The following GLDC variants were observed in gnomAD, a reference collection of about 807,000 sequenced individuals.
GLDC encodes glycine decarboxylase, also known as glycine dehydrogenase (decarboxylating), mitochondrial.
Under a neutral mutation model 121.3 loss-of-function variants are expected in GLDC, and 104 were observed. That is an observed-to-expected ratio of 0.86 (90% confidence interval 0.73 to 1.01). The LOEUF is 1.01. Ranked by LOEUF, GLDC falls within the 50% of genes least tolerant of loss-of-function variation. GLDC has a pLI of 0.00. For synonymous variants in GLDC, 546 were observed against 480.6 expected (o/e 1.14, Z -1.78); for missense variants, 1,429 against 1,306.6 (o/e 1.09, Z -1.44).
intron 16 of GLDC, among the ~76,000 whole-genome samples, chr9:6,563,003 C>G (rs1817788447): frequency 1.3e-5 from 2 of 152,222 alleles, no homozygotes; most frequent in African/African-American, 4.8e-5. Flanking sequence ...CCTCTCCCTC[C>G]TGCAGAGTGA....
intron 2 of GLDC, chr9:6,622,663 C>A (rs570264463): frequency 1.0e-4 from 22 of 209,804 alleles, no homozygotes; most frequent in Non-Finnish European, 1.5e-4. Flanking sequence ...CCGGCCGCCA[C>A]CCCGTCTGGG....
chr9:6,536,092 C>T lies in GLDC; in HGVS notation c.2810G>A (p.Arg937His), dbSNP rs151100082. The change falls in exon 23 of 25, where the codon CGC (arginine) becomes CAC (histidine). Residue 937 changes from arginine to histidine, a missense_variant. Coordinates refer to ENST00000321612, the MANE Select transcript of GLDC (RefSeq NM_000170.3). ...CAGCGGATTGACCCTGGGGTCGATG[C>T]GGCCCTCCTCAATGTCAGCAATTTC... ...RQEIADIEEG[R>H]IDPRVNPLKM... 2.7e-5 allele frequency: 44 copies of T among 1,613,614 alleles called. No homozygotes were observed. Among genetic ancestry groups the T allele is most frequent in the African/African-American group, 9.3e-5 (7 of 74,932 alleles).
chr9:6,606,744 C>T (rs1363325731), intron 4 of GLDC, 75 bp from the exon 5 acceptor site: 7 of 903,684 alleles, frequency 7.7e-6, no homozygotes, highest in Non-Finnish European at 1.3e-5. Flanking sequence ...GCAAAGCAAA[C>T]ATAGTACCGA....
At chr9:6,622,698 C>T (rs879833375) in intron 2 of GLDC, 11 of 198,488 alleles carry the variant, frequency 5.5e-5, no homozygotes, top group Non-Finnish European at 1.0e-4. Context: ...TCTGCCTGGC[C>T]GCCCATGGTC....
chr9:6,539,817 C>G (rs918819070), intron 22 of GLDC, among the ~76,000 whole-genome samples: 1 of 152,166 alleles, frequency 6.6e-6, no homozygotes, highest in Non-Finnish European at 1.5e-5. Flanking sequence ...ATCTTAAACA[C>G]TTTTCTTGGC....
intron 2 of GLDC, among the ~76,000 whole-genome samples, chr9:6,634,022 G>A (rs1819447082): frequency 6.6e-6 from 1 of 151,494 alleles, no homozygotes; most frequent in Admixed American, 6.6e-5. Flanking sequence ...AGTAGAGACG[G>A]GGTTTCACCG....
rs1172793615 is a variant in GLDC, at chr9:6,645,263, C to T, written c.237G>A (p.Leu79=). The T allele has an allele frequency of 1.9e-6, 3 of 1,600,418 alleles. No homozygotes were observed. The highest frequency in any genetic ancestry group is 1.1e-5 in the South Asian group (1 of 89,588). Residue 79 remains leucine, a synonymous_variant, in exon 1 of 25, where the codon CTG becomes CTA. Coordinates refer to ENST00000321612, the MANE Select transcript of GLDC (RefSeq NM_000170.3). ...GPGDKDQREM[L]QTLGLASIDE... ...TCCTTACCGCCAGCCCCAAGGTCTG[C>T]AGCATCTCTCTCTGGTCTTTGTCCC...
intron 15 of GLDC, among the ~76,000 whole-genome samples, chr9:6,584,131 C>T (rs1399155594): frequency 6.6e-6 from 1 of 152,130 alleles, no homozygotes; most frequent in Admixed American, 6.5e-5. Flanking sequence ...AAATATCATA[C>T]AATAATGAAA....
chr9:6,540,583 C>T lies in GLDC; in HGVS notation c.2570-437G>A, dbSNP rs1047602968. On this transcript the variant is annotated intron_variant, in intron 21 of 24. Coordinates refer to ENST00000321612, the MANE Select transcript of GLDC (RefSeq NM_000170.3). ...TTTTCAGCAACTTTACCCTCAACAT[C>T]AAATAATTACTTTTGCGTATATATA... is the stretch of plus-strand genomic sequence containing the variant. The T allele has an allele frequency of 6.1e-5, 12 of 196,380 alleles. No individual in the cohort carries two copies. The South Asian group carries it at 9.9e-4, about 16-fold the overall frequency. The allele number at this position is 196,380 out of a possible 1,614,324, so 12.2% of individuals were successfully genotyped here. A position where few individuals can be genotyped will look rare whatever the true frequency, so the allele number is the denominator to read the frequency against.
chr9:6,605,293 A>G lies in GLDC; in HGVS notation c.714-15T>C. 1 of 1,612,926 alleles carries G rather than the reference A, an allele frequency of 6.2e-7. No individual in the cohort carries two copies. Among genetic ancestry groups the G allele is most frequent in the South Asian group, 1.1e-5 (1 of 91,044 alleles). Reference sequence around the variant, plus strand: ...CTCCAGTATATCTGGAAAGACAGACAACAAAGAACAATCGTGCTTTCGGTT... The same window carrying G: ...CTCCAGTATATCTGGAAAGACAGACGACAAAGAACAATCGTGCTTTCGGTT... On this transcript the variant is annotated splice_polypyrimidine_tract_variant and intron_variant, in intron 5 of 24. Transcript: ENST00000321612.
chr9:6,556,793 C>A (rs367652606), intron 17 of GLDC, among the ~76,000 whole-genome samples: 31 of 138,490 alleles, frequency 2.2e-4, no homozygotes, highest in Admixed American at 4.4e-4. Flanking sequence ...GACTCCACGT[C>A]AAAAAAAAAA....
At chr9:6,555,494 C>T (rs933271473) in intron 18 of GLDC, among the ~76,000 whole-genome samples, 3 of 151,858 alleles carry the variant, frequency 2.0e-5, no homozygotes, top group East Asian at 1.9e-4. Context: ...AGAGGTCGGG[C>T]GTGGTGGATC....
intron 15 of GLDC, among the ~76,000 whole-genome samples, chr9:6,571,432 G>A (rs959499378): frequency 2.6e-5 from 4 of 152,168 alleles, no homozygotes; most frequent in African/African-American, 7.2e-5. Flanking sequence ...CACCATACCA[G>A]TATCACTACT....
At chr9:6,630,695 C>T (rs186450677) in intron 2 of GLDC, among the ~76,000 whole-genome samples, 1 of 152,244 alleles carries the variant, frequency 6.6e-6, no homozygotes, top group East Asian at 1.9e-4. Flanking sequence ...GAGAGGGAAC[C>T]ATGGGGTGGG....
chr9:6,544,851 G>C (rs1817353345), intron 21 of GLDC, among the ~76,000 whole-genome samples: 1 of 152,090 alleles, frequency 6.6e-6, no homozygotes, highest in Admixed American at 6.6e-5. Flanking sequence ...TGTAATCCCA[G>C]CACTTTGGGA....
At chr9:6,617,069 G>C (rs1325349437) in intron 3 of GLDC, among the ~76,000 whole-genome samples, 2 of 151,988 alleles carry the variant, frequency 1.3e-5, no homozygotes, top group African/African-American at 2.4e-5. Flanking sequence ...GTTTTCTTTC[G>C]AGGCTATGTC....
At chr9:6,594,416 C>G (rs1384673412) in intron 9 of GLDC, among the ~76,000 whole-genome samples, 1 of 152,068 alleles carries the variant, frequency 6.6e-6, no homozygotes, top group East Asian at 1.9e-4. Flanking sequence ...TCAGTCTAAG[C>G]CAGGCATGGT....
intron 4 of GLDC, among the ~76,000 whole-genome samples, chr9:6,608,764 A>T (rs942569255): frequency 1.3e-5 from 2 of 151,820 alleles, no homozygotes; most frequent in Middle Eastern, 6.8e-3. Context: ...AAATAAATTA[A>T]TAAATAATAA....
intron 15 of GLDC, among the ~76,000 whole-genome samples, chr9:6,578,946 A>C (rs1391369107): frequency 6.6e-6 from 1 of 152,094 alleles, no homozygotes; most frequent in Non-Finnish European, 1.5e-5. Flanking sequence ...TGTTATTTCT[A>C]GTTTCACTCC....
Sources: allele counts gnomAD v4.1 joint callset (sites outside exome capture counted in the v4.1 genomes callset), GRCh38; gene constraint gnomAD v4.1.1; transcripts MANE v1.5; gene names NCBI Gene and HGNC (gene_info 2026-07-23, HGNC 2026-07-21).